Variants in TAOK1 observed in about 807,000 individuals in gnomAD.
TAOK1 encodes the protein TAO kinase 1, also known as serine/threonine-protein kinase TAO1.
Under a neutral mutation model 138.3 loss-of-function variants are expected in TAOK1, and 21 were observed. That is an observed-to-expected ratio of 0.15 (90% confidence interval 0.11 to 0.22). TAOK1 has a LOEUF of 0.22. Ranked by LOEUF, TAOK1 falls within the 10% of genes least tolerant of loss-of-function variation. TAOK1 has a pLI of 1.00. For missense variants in TAOK1, 651 were observed against 1,227.7 expected (o/e 0.53, Z 7.02); for synonymous variants, 361 against 398.4 (o/e 0.91, Z 1.12).
intron 1 of TAOK1, among the ~76,000 whole-genome samples, chr17:29,411,088 G>GTTTTTTTTTT (rs71138814): frequency 2.1e-5 from 2 of 94,090 alleles, no homozygotes; most frequent in Non-Finnish European, 4.1e-5. Context: ...TCTTTTTACT[G>GTTTTTTTTTT]TTTTTTTTTT....
chr17:29,392,484 T>C (rs1184375689), intron 1 of TAOK1, among the ~76,000 whole-genome samples: 2 of 152,244 alleles, frequency 1.3e-5, no homozygotes, highest in African/African-American at 2.4e-5. Flanking sequence ...GATCATCTTA[T>C]CTGGTTTACA....
chr17:29,488,486 C>CGGGAGGCTGAGACAGGAGAGAATT (rs1378923624), intron 8 of TAOK1, among the ~76,000 whole-genome samples: 10 of 151,792 alleles, frequency 6.6e-5, no homozygotes, highest in African/African-American at 2.4e-4. Flanking sequence ...AGGAGAGAAT[C>CGGGAGGCTGAGACAGGAGAGAATT]GCTTGAACCC....
chr17:29,498,259 T>C (rs2031450696), intron 11 of TAOK1, 59 bp from the exon 12 acceptor site: 1 of 1,579,872 alleles, frequency 6.3e-7, no homozygotes, highest in African/African-American at 1.3e-5. Context: ...TAGTCAAGAA[T>C]TCAGAAGAGA....
At chr17:29,498,965 G>A (rs368123857) in intron 12 of TAOK1, among the ~76,000 whole-genome samples, 1 of 151,336 alleles carries the variant, frequency 6.6e-6, no homozygotes, top group African/African-American at 2.4e-5. Flanking sequence ...AATGGAAAAA[G>A]CCTTGTTAAC....
chr17:29,479,145 CAA>C (rs373418404), intron 6 of TAOK1, among the ~76,000 whole-genome samples: 5 of 83,018 alleles, frequency 6.0e-5, no homozygotes, highest in Admixed American at 1.4e-4. Context: ...AACTCTGTCT[CAA>C]AAAAAAAAAA....
chr17:29,444,454 T>C (rs1408027748), intron 1 of TAOK1, among the ~76,000 whole-genome samples: 1 of 152,222 alleles, frequency 6.6e-6, no homozygotes, highest in African/African-American at 2.4e-5. Context: ...CTGTTAACTC[T>C]AGTCTAACAG....
chr17:29,441,640 A>G (rs918917610), intron 1 of TAOK1, among the ~76,000 whole-genome samples: 20 of 152,046 alleles, frequency 1.3e-4, no homozygotes, highest in African/African-American at 4.8e-4. Flanking sequence ...GGTGGCTCAC[A>G]CCTGTAATCC....
chr17:29,544,331 C>A lies in TAOK1; in HGVS notation c.*1309C>A, dbSNP rs2032368081. ...GTCCTCTATTTTTAATTGCTGTTTT[C>A]GTTGCTGCAGTACTTTACAAACTTC... On this transcript the variant is annotated 3_prime_UTR_variant, in exon 20 of 20. Coordinates refer to ENST00000261716, the MANE Select transcript of TAOK1 (RefSeq NM_020791.4). The A allele has an allele frequency of 6.6e-6, 1 of 152,498 alleles. No homozygotes were observed. 9.4% of individuals were successfully genotyped at this position (152,498 alleles called of 1,614,324 possible). A position where few individuals can be genotyped will look rare whatever the true frequency, so the allele number is the denominator to read the frequency against.
rs58117433 is a variant in TAOK1 at position 29,394,150 on chromosome 17, G to GTTTTTTTTTTTTTT, written c.-95+3146_-95+3159dup. On this transcript the variant is annotated intron_variant, in intron 1 of 19. Coordinates refer to ENST00000261716, the MANE Select transcript of TAOK1 (RefSeq NM_020791.4). Reference sequence around the variant, plus strand: ...TATGATTTATTTTAATAATTTGCCAGTTTTTTTTTTTTTTTTTTTTTTTTT... The same window carrying GTTTTTTTTTTTTTT: ...TATGATTTATTTTAATAATTTGCCAGTTTTTTTTTTTTTTTTTTTTTTTTTTTTTTTTTTTTTTT... 9.5e-4 allele frequency among the ~76,000 whole-genome samples: 46 copies of GTTTTTTTTTTTTTT among 48,280 alleles called. 8 individuals are homozygous for GTTTTTTTTTTTTTT. Among genetic ancestry groups the GTTTTTTTTTTTTTT allele is most frequent in the South Asian group, 3.3e-3 (3 of 914 alleles). The allele number at this position is 48,280 out of a possible 152,430, so 31.7% of individuals were successfully genotyped here.
chr17:29,474,628 A>G (rs2030900865), intron 3 of TAOK1, among the ~76,000 whole-genome samples: 1 of 152,202 alleles, frequency 6.6e-6, no homozygotes, highest in Non-Finnish European at 1.5e-5. Context: ...TCACCATCTT[A>G]TATGGGCACA....
At chr17:29,470,000 A>G (rs1331463242) in intron 3 of TAOK1, among the ~76,000 whole-genome samples, 1 of 152,216 alleles carries the variant, frequency 6.6e-6, no homozygotes, top group East Asian at 1.9e-4. Context: ...TCTTAAATCT[A>G]GTATACAACA....
At chr17:29,531,936 C>G (rs1250798195) in intron 18 of TAOK1, among the ~76,000 whole-genome samples, 1 of 150,794 alleles carries the variant, frequency 6.6e-6, no homozygotes, top group Non-Finnish European at 1.5e-5. Context: ...TCTTGGCTCA[C>G]TGCAAGCTCC....
chr17:29,499,694 G>A (rs1340762598), intron 12 of TAOK1, among the ~76,000 whole-genome samples: 1 of 151,476 alleles, frequency 6.6e-6, no homozygotes, highest in African/African-American at 2.4e-5. Flanking sequence ...TGAGTAGCTG[G>A]GATTACAGGT....
chr17:29,450,358 A>G (rs1171483570), intron 1 of TAOK1, among the ~76,000 whole-genome samples: 1 of 152,166 alleles, frequency 6.6e-6, no homozygotes, highest in Non-Finnish European at 1.5e-5. Flanking sequence ...AAATGCTTGG[A>G]TTACAGATGT....
intron 3 of TAOK1, among the ~76,000 whole-genome samples, chr17:29,468,968 AT>A (rs1298363026): frequency 6.6e-6 from 1 of 152,212 alleles, no homozygotes; most frequent in Non-Finnish European, 1.5e-5. Context: ...AAATTAGAAA[AT>A]GAAATTATTA....
At chr17:29,533,552 T>C (rs1156994563) in intron 18 of TAOK1, among the ~76,000 whole-genome samples, 3 of 151,798 alleles carry the variant, frequency 2.0e-5, no homozygotes, top group Admixed American at 6.6e-5. Context: ...CTGGGCACCA[T>C]TGAGCACTGA....
chr17:29,397,623 T>TACAC (rs143233799), intron 1 of TAOK1, among the ~76,000 whole-genome samples: 2 of 64,632 alleles, frequency 3.1e-5, no homozygotes, highest in African/African-American at 6.6e-5. Context: ...AATATATATA[T>TACAC]ATATATACAT....
At chr17:29,517,188 C>T (rs1243973438) in intron 15 of TAOK1, among the ~76,000 whole-genome samples, 1 of 151,824 alleles carries the variant, frequency 6.6e-6, no homozygotes, top group East Asian at 2.0e-4. Flanking sequence ...CAGGGTTTCA[C>T]CGTGTTAGCC....
At chr17:29,505,257 A>G (rs904032416) in intron 13 of TAOK1, among the ~76,000 whole-genome samples, 2 of 152,088 alleles carry the variant, frequency 1.3e-5, no homozygotes, top group East Asian at 3.8e-4. Flanking sequence ...AAATGCACAG[A>G]TCTTAGGTAT....
Sources: gnomAD v4.1 joint callset for allele counts (sites outside exome capture counted in the v4.1 genomes callset) on GRCh38, gnomAD v4.1.1 for gene constraint, MANE v1.5 for transcripts, NCBI Gene and HGNC (gene_info 2026-07-23, HGNC 2026-07-21) for gene names.